PPFIBP1: variants seen among roughly 807,000 people sequenced by gnomAD.
PPFIBP1 encodes the protein liprin-beta-1.
A neutral mutation model predicts 137.8 loss-of-function variants in PPFIBP1; 112 were observed. The ratio of observed to expected loss-of-function variants is 0.81; its 90% CI spans 0.70 to 0.95. PPFIBP1 has a LOEUF of 0.95. PPFIBP1 is among the 40% of genes least tolerant of loss of function. The pLI is 0.00. For synonymous variants in PPFIBP1, 378 were observed against 417.3 expected, an observed-to-expected ratio of 0.91 and a Z score of 1.15; for missense variants, 1,083 against 1,196.6, an observed-to-expected ratio of 0.91 and a Z score of 1.40.
intron 1 of PPFIBP1, among the ~76,000 whole-genome samples, chr12:27,545,833 C>T (rs1214891154): frequency 6.6e-6 from 1 of 152,210 alleles, no homozygotes; most frequent in Non-Finnish European, 1.5e-5. Flanking sequence ...TTAAAGCTTT[C>T]TCTTCTCCCC....
At chr12:27,671,279 T>C (rs746386072) in intron 13 of PPFIBP1, 152 bp from the exon 14 acceptor site, 4 of 489,316 alleles carry the variant, frequency 8.2e-6, no homozygotes, top group East Asian at 3.5e-5. Flanking sequence ...TCTATATAGA[T>C]GTTTATATTC....
intron 24 of PPFIBP1, 138 bp downstream of exon 24, chr12:27,682,841 C>A: frequency 7.2e-7 from 1 of 1,398,588 alleles, no homozygotes; most frequent in Non-Finnish European, 9.6e-7. Context: ...AGGAGAGTGG[C>A]AGGCATATTT....
chr12:27,535,683 G>A (rs1309555496), intron 1 of PPFIBP1, among the ~76,000 whole-genome samples: 1 of 152,222 alleles, frequency 6.6e-6, no homozygotes, highest in Non-Finnish European at 1.5e-5. Flanking sequence ...GCAGGCGTGA[G>A]CCACTGCGCC....
chr12:27,676,280 C>T, intron 17 of PPFIBP1, 148 bp from the exon 18 acceptor site: 2 of 524,044 alleles, frequency 3.8e-6, no homozygotes, highest in Non-Finnish European at 6.1e-6. Context: ...TCTGATAAGG[C>T]ATTTGACATT....
At chr12:27,681,416 G>A (rs1475568907) in intron 21 of PPFIBP1, 130 bp from the exon 22 acceptor site, 8 of 1,023,614 alleles carry the variant, frequency 7.8e-6, no homozygotes, top group Non-Finnish European at 1.1e-5. Context: ...TAAAAATTAA[G>A]CTTTTCATGG....
intron 2 of PPFIBP1, among the ~76,000 whole-genome samples, chr12:27,625,416 T>C (rs1038512713): frequency 3.2e-4 from 48 of 152,126 alleles, no homozygotes; most frequent in Non-Finnish European, 6.5e-4. Context: ...ATTTTATCCA[T>C]GAGTATTTTG....
At chr12:27,621,058 A>G (rs999903879) in intron 2 of PPFIBP1, among the ~76,000 whole-genome samples, 2 of 152,132 alleles carry the variant, frequency 1.3e-5, no homozygotes, top group African/African-American at 4.8e-5. Context: ...TGTGTAATCA[A>G]TGGGTGAATG....
chr12:27,681,392 C>T (rs2060863679), intron 21 of PPFIBP1, among the ~76,000 whole-genome samples, 154 bp from the exon 22 acceptor site: 1 of 152,176 alleles, frequency 6.6e-6, no homozygotes, highest in Admixed American at 6.6e-5. Flanking sequence ...ACCAGTTGTT[C>T]CTCCAATGTA....
rs534557457 is a variant in PPFIBP1 at position 27,532,201 on chromosome 12, T to A, written c.-124+7836T>A. On this transcript the variant is annotated intron_variant, in intron 1 of 29. Coordinates refer to ENST00000228425, the MANE Select transcript of PPFIBP1 (RefSeq NM_003622.4). Reference sequence around the variant, plus strand: ...AGACGGAAAGACAAACAAAACATGATCTTTACCTTAAGAGTATTCACATAC... The same window carrying A: ...AGACGGAAAGACAAACAAAACATGAACTTTACCTTAAGAGTATTCACATAC... Among the ~76,000 whole-genome samples the A allele has an allele frequency of 9.7e-4, 147 of 152,290 alleles. 1 individual carries two copies. The highest frequency in any genetic ancestry group is 3.4e-3 in the African/African-American group (143 of 41,546).
At chr12:27,587,865 T>C (rs1388105147) in intron 2 of PPFIBP1, among the ~76,000 whole-genome samples, 1 of 152,136 alleles carries the variant, frequency 6.6e-6, no homozygotes. Context: ...AACCAAAATA[T>C]CCTTTACTAT....
At chr12:27,643,469 A>G (rs2058256364) in intron 4 of PPFIBP1, among the ~76,000 whole-genome samples, 1 of 134,784 alleles carries the variant, frequency 7.4e-6, no homozygotes. Context: ...TGTCGCTGGC[A>G]TATAGCAAAC....
chr12:27,692,216 C>T (rs1423104198), intron 28 of PPFIBP1, among the ~76,000 whole-genome samples: 1 of 152,212 alleles, frequency 6.6e-6, no homozygotes, highest in African/African-American at 2.4e-5. Context: ...GGTCCCCAAC[C>T]TGTCTCTTTG....
At chr12:27,658,474 GGAAA>G (rs1172760167) in intron 9 of PPFIBP1, among the ~76,000 whole-genome samples, 1 of 152,080 alleles carries the variant, frequency 6.6e-6, no homozygotes, top group Non-Finnish European at 1.5e-5. Flanking sequence ...AAACCGTGAT[GGAAA>G]TATAAAAACA....
intron 2 of PPFIBP1, among the ~76,000 whole-genome samples, chr12:27,597,500 A>G (rs1322672310): frequency 6.6e-6 from 1 of 152,074 alleles, no homozygotes; most frequent in Non-Finnish European, 1.5e-5. Context: ...CTTTGGCATA[A>G]TGGGATCTGG....
At chr12:27,591,411 G>A (rs1234060873) in intron 2 of PPFIBP1, among the ~76,000 whole-genome samples, 6 of 152,138 alleles carry the variant, frequency 3.9e-5, no homozygotes, top group Non-Finnish European at 5.9e-5. Flanking sequence ...TCAGTGGAAC[G>A]TTCAATGACA....
At chr12:27,539,498 A>G (rs1281840620) in intron 1 of PPFIBP1, among the ~76,000 whole-genome samples, 1 of 152,196 alleles carries the variant, frequency 6.6e-6, no homozygotes, top group East Asian at 1.9e-4. Flanking sequence ...TCAAATTCCC[A>G]AAACCTGTTT....
intron 2 of PPFIBP1, among the ~76,000 whole-genome samples, chr12:27,629,218 T>G (rs1252509166): frequency 1.3e-5 from 2 of 152,230 alleles, no homozygotes; most frequent in African/African-American, 2.4e-5. Flanking sequence ...CTTTCAACAT[T>G]TAGCCAACAA....
chr12:27,576,654 G>A (rs1213651332), intron 1 of PPFIBP1, among the ~76,000 whole-genome samples: 1 of 152,200 alleles, frequency 6.6e-6, no homozygotes, highest in African/African-American at 2.4e-5. Context: ...CCTATGACAG[G>A]TGGCGGTTGG....
chr12:27,551,786 G>A (rs1946804623), intron 1 of PPFIBP1, among the ~76,000 whole-genome samples: 1 of 152,178 alleles, frequency 6.6e-6, no homozygotes, highest in Admixed American at 6.5e-5. Flanking sequence ...ATTGCTAAAG[G>A]ATGTGAAGAT....
Sources: allele counts gnomAD v4.1 joint callset (sites outside exome capture counted in the v4.1 genomes callset), GRCh38; gene constraint gnomAD v4.1.1; transcripts MANE v1.5; gene names NCBI Gene and HGNC (gene_info 2026-07-23, HGNC 2026-07-21).